Variants in GRID1 observed in about 807,000 individuals in gnomAD.
The protein encoded by GRID1 is glutamate ionotropic receptor delta type subunit 1.
In GRID1, 28 loss-of-function variants were observed where a neutral mutation model predicts 98.0. That is an observed-to-expected ratio of 0.29 (90% CI 0.21 to 0.39). The LOEUF (loss-of-function observed/expected upper bound fraction) is 0.39. Ranked by LOEUF, GRID1 falls within the 10% of genes least tolerant of loss-of-function variation. The pLI, the probability that GRID1 is intolerant of heterozygous loss-of-function variation, is 1.00. For synonymous variants in GRID1, 553 were observed against 538.5 expected (o/e 1.03, Z -0.37); for missense variants, 1,111 against 1,340.5 (o/e 0.83, Z 2.67).
At chr10:86,348,340 G>A (rs534525623) in intron 2 of GRID1, among the ~76,000 whole-genome samples, 1 of 152,360 alleles carries the variant, frequency 6.6e-6, no homozygotes, top group East Asian at 1.9e-4. Flanking sequence ...CAATGAGGCG[G>A]CCCCGGCCCG....
chr10:86,098,753 T>C (rs1421320091), intron 4 of GRID1, among the ~76,000 whole-genome samples: 5 of 152,186 alleles, frequency 3.3e-5, no homozygotes, highest in African/African-American at 1.2e-4. Flanking sequence ...CAACTGAAGT[T>C]TTAGTGGTTT....
At chr10:85,992,872 T>C (rs745414139) in intron 4 of GRID1, among the ~76,000 whole-genome samples, 3 of 152,088 alleles carry the variant, frequency 2.0e-5, no homozygotes, top group Admixed American at 2.0e-4. Flanking sequence ...TAGGACTGCT[T>C]GAGCCCAGGA....
chr10:86,301,586 T>A (rs1281194279), intron 2 of GRID1, among the ~76,000 whole-genome samples: 1 of 152,180 alleles, frequency 6.6e-6, no homozygotes, highest in Non-Finnish European at 1.5e-5. Flanking sequence ...CACAAGGAAC[T>A]GTTCCAACCT....
chr10:85,840,586 C>T (rs1842952677), intron 8 of GRID1, among the ~76,000 whole-genome samples: 1 of 152,106 alleles, frequency 6.6e-6, no homozygotes, highest in South Asian at 2.1e-4. Flanking sequence ...ATTTAGAAAA[C>T]CACATAGACT....
intron 4 of GRID1, among the ~76,000 whole-genome samples, chr10:86,089,808 G>A (rs1844118757): frequency 2.0e-5 from 3 of 151,854 alleles, no homozygotes; most frequent in Admixed American, 6.5e-5. Context: ...GTGCAATGGC[G>A]TGATCTCGGC....
At chr10:86,045,465 G>A (rs767598462) in intron 4 of GRID1, among the ~76,000 whole-genome samples, 3 of 152,208 alleles carry the variant, frequency 2.0e-5, no homozygotes, top group Non-Finnish European at 4.4e-5. Flanking sequence ...TTTTCCTTAG[G>A]AAGAGACACT....
chr10:86,100,556 G>C (rs1258671238), intron 4 of GRID1, among the ~76,000 whole-genome samples: 5 of 152,272 alleles, frequency 3.3e-5, no homozygotes, highest in Admixed American at 2.0e-4. Flanking sequence ...GCAGAGAGGA[G>C]GGAGAGAAAA....
chr10:86,119,394 T>C (rs1022797835), intron 4 of GRID1, among the ~76,000 whole-genome samples: 7 of 152,128 alleles, frequency 4.6e-5, no homozygotes, highest in Non-Finnish European at 1.0e-4. Flanking sequence ...CTTTAGTTAA[T>C]AATGTATCAA....
chr10:85,742,300 A>AT (rs1841952007), intron 8 of GRID1, among the ~76,000 whole-genome samples: 1 of 152,148 alleles, frequency 6.6e-6, no homozygotes, highest in Non-Finnish European at 1.5e-5. Context: ...TGTCTGGGCC[A>AT]TATGGTCTCT....
At chr10:86,274,794 G>A (rs1474630860) in intron 2 of GRID1, among the ~76,000 whole-genome samples, 1 of 151,644 alleles carries the variant, frequency 6.6e-6, no homozygotes, top group Non-Finnish European at 1.5e-5. Flanking sequence ...TTGCTTATCA[G>A]CTTAAGGAGA....
chr10:86,181,185 C>G (rs1393306638), intron 3 of GRID1, among the ~76,000 whole-genome samples: 1 of 152,206 alleles, frequency 6.6e-6, no homozygotes, highest in Non-Finnish European at 1.5e-5. Flanking sequence ...CTCTTATCCC[C>G]ACAGGTGAAC....
rs184404570 is a variant in GRID1 at position 86,103,723 on chromosome 10, G to A, written c.726+35096C>T. Among the ~76,000 whole-genome samples the A allele has an allele frequency of 5.9e-5, 9 of 152,332 alleles. No individual in the cohort carries two copies. The East Asian group carries it at 1.7e-3, about 29-fold the overall frequency. ...GCCACAGTGGGGGGCCCTTAGGAAA[G>A]GTGTGTGCCTTGTACCTCAAGGGTA... On this transcript the variant is annotated intron_variant, in intron 4 of 15. Coordinates refer to ENST00000327946, the MANE Select transcript of GRID1 (RefSeq NM_017551.3).
chr10:85,698,894 G>A (rs1403752169), intron 12 of GRID1, among the ~76,000 whole-genome samples: 41 of 152,138 alleles, frequency 2.7e-4, no homozygotes, highest in Admixed American at 2.7e-3. Context: ...ATTCCCTAAT[G>A]ACGTGATGTT....
rs749006173 is a variant in GRID1, at chr10:85,687,820, A to C, written c.1997+35183T>G. Among the ~76,000 whole-genome samples, 298 of 152,334 alleles carry C rather than the reference A, an allele frequency of 2.0e-3. 2 individuals are homozygous for C. The highest frequency in any genetic ancestry group is 7.5e-3 in the South Asian group (36 of 4,824). ...ACCTGGAGGAAATATGAAATTTCAA[A>C]AAACAAACAAACAAATTGAGGAACT... On this transcript the variant is annotated intron_variant, in intron 12 of 15. Transcript: ENST00000327946.
intron 8 of GRID1, among the ~76,000 whole-genome samples, chr10:85,808,308 T>C (rs1842640705): frequency 6.6e-6 from 1 of 152,186 alleles, no homozygotes; most frequent in Non-Finnish European, 1.5e-5. Context: ...GGAATAGAAA[T>C]AAGAGTTTGT....
chr10:85,602,734 C>G (rs1842598871), intron 15 of GRID1, 33 bp from the exon 16 acceptor site: 1 of 1,531,812 alleles, frequency 6.5e-7, no homozygotes, highest in African/African-American at 1.4e-5. Context: ...TCAGGTGGAG[C>G]CCTAACAGTG....
At chr10:85,973,179 A>G (rs1236653798) in intron 4 of GRID1, among the ~76,000 whole-genome samples, 2 of 152,236 alleles carry the variant, frequency 1.3e-5, no homozygotes, top group Admixed American at 6.5e-5. Flanking sequence ...GAATGAGGCA[A>G]GGTAAATATT....
intron 12 of GRID1, among the ~76,000 whole-genome samples, chr10:85,676,254 G>C (rs186432870): frequency 5.7e-4 from 87 of 152,198 alleles, no homozygotes; most frequent in Non-Finnish European, 9.3e-4. Context: ...GGAGGGACCT[G>C]CCTCCCCTGG....
At chr10:86,043,891 T>C (rs1338608612) in intron 4 of GRID1, among the ~76,000 whole-genome samples, 2 of 152,216 alleles carry the variant, frequency 1.3e-5, no homozygotes, top group East Asian at 3.9e-4. Context: ...ATGTGAGATT[T>C]CAAATTTTAG....
Sources: allele counts gnomAD v4.1 joint callset (sites outside exome capture counted in the v4.1 genomes callset), GRCh38; gene constraint gnomAD v4.1.1; transcripts MANE v1.5; gene names NCBI Gene and HGNC (gene_info 2026-07-23, HGNC 2026-07-21).